Variants in PRDM5 observed in about 807,000 individuals in gnomAD.
The protein encoded by PRDM5 is PR/SET domain 5.
In PRDM5, 56 loss-of-function variants were observed where a neutral mutation model predicts 81.2. That is an observed-to-expected ratio of 0.69 (90% CI 0.56 to 0.86). The LOEUF is 0.86. Among genes scored for constraint, PRDM5 ranks in the 40% least tolerant of loss-of-function variants. The pLI is 0.00. For synonymous variants in PRDM5, 267 were observed against 256.4 expected (o/e 1.04, Z -0.39); for missense variants, 697 against 770.1 (o/e 0.91, Z 1.12).
At chr4:120,904,078 T>A (rs566134728) in intron 2 of PRDM5, among the ~76,000 whole-genome samples, 1 of 150,046 alleles carries the variant, frequency 6.7e-6, no homozygotes, top group East Asian at 2.0e-4. Context: ...TAATCCCAGC[T>A]ACTTGGGAGG....
At chr4:120,792,432 A>C (rs1750712414) in intron 10 of PRDM5, among the ~76,000 whole-genome samples, 1 of 152,226 alleles carries the variant, frequency 6.6e-6, no homozygotes, top group South Asian at 2.1e-4. Flanking sequence ...CTACTAAAAC[A>C]GCAAGAACTA....
At chr4:120,723,380 G>A (rs1044455027) in intron 14 of PRDM5, among the ~76,000 whole-genome samples, 9 of 152,184 alleles carry the variant, frequency 5.9e-5, no homozygotes, top group African/African-American at 2.2e-4. Flanking sequence ...TGAAAGAAAA[G>A]GAATGCTGGT....
At chr4:120,789,762 A>G (rs2149260963) in intron 10 of PRDM5, among the ~76,000 whole-genome samples, 1 of 152,304 alleles carries the variant, frequency 6.6e-6, no homozygotes, top group South Asian at 2.1e-4. Flanking sequence ...TCACAAAATA[A>G]ATTGAAACTG....
intron 2 of PRDM5, among the ~76,000 whole-genome samples, chr4:120,873,432 C>T (rs1762040896): frequency 6.6e-6 from 1 of 152,086 alleles, no homozygotes; most frequent in South Asian, 2.1e-4. Context: ...CAGGAAGAGC[C>T]AAGACAGAGC....
chr4:120,753,892 T>C (rs1392753196), intron 14 of PRDM5, among the ~76,000 whole-genome samples: 4 of 152,164 alleles, frequency 2.6e-5, no homozygotes, highest in Non-Finnish European at 5.9e-5. Flanking sequence ...AATCGAATAG[T>C]GAGCTATGAA....
intron 14 of PRDM5, chr4:120,731,779 T>C (rs1422687730): frequency 1.3e-5 from 2 of 152,104 alleles, no homozygotes; most frequent in Admixed American, 6.5e-5. Flanking sequence ...CCATCTTGAG[T>C]CACACTGGAA....
chr4:120,781,556 A>G (rs1749038555), intron 11 of PRDM5, among the ~76,000 whole-genome samples: 1 of 152,196 alleles, frequency 6.6e-6, no homozygotes, highest in African/African-American at 2.4e-5. Flanking sequence ...AGAATTCTCA[A>G]AGTTACCATG....
intron 8 of PRDM5, among the ~76,000 whole-genome samples, chr4:120,808,824 A>G (rs1753394462): frequency 6.6e-6 from 1 of 152,180 alleles, no homozygotes; most frequent in African/African-American, 2.4e-5. Flanking sequence ...TAAGTCCCTC[A>G]CTGCCCAGGG....
intron 13 of PRDM5, among the ~76,000 whole-genome samples, chr4:120,757,035 G>C (rs931929565): frequency 2.6e-5 from 4 of 152,048 alleles, no homozygotes; most frequent in African/African-American, 9.7e-5. Flanking sequence ...CAGTTATCAG[G>C]TAAATAATTA....
intron 14 of PRDM5, among the ~76,000 whole-genome samples, chr4:120,712,914 A>G (rs1274621820): frequency 2.6e-5 from 4 of 152,238 alleles, no homozygotes; most frequent in Non-Finnish European, 5.9e-5. Context: ...GTTCCTCTGA[A>G]AAAATCTTGT....
intron 3 of PRDM5, among the ~76,000 whole-genome samples, chr4:120,826,896 C>T (rs1055639944): frequency 2.0e-5 from 3 of 152,102 alleles, no homozygotes; most frequent in African/African-American, 7.2e-5. Context: ...AAAGATGCTG[C>T]TGTATTTAAT....
At chr4:120,894,153 C>T (rs536340616) in intron 2 of PRDM5, among the ~76,000 whole-genome samples, 45 of 152,098 alleles carry the variant, frequency 3.0e-4, no homozygotes, top group African/African-American at 1.1e-3. Context: ...CTATTTTTCC[C>T]TTGTATTAAC....
At chr4:120,838,039 C>T (rs1407597051) in intron 3 of PRDM5, 2 of 152,186 alleles carry the variant, frequency 1.3e-5, no homozygotes, top group African/African-American at 4.8e-5. Flanking sequence ...TATAATAAGA[C>T]AGTATGTATA....
chr4:120,733,472 CT>C (rs1339125586), intron 14 of PRDM5, among the ~76,000 whole-genome samples: 1 of 152,160 alleles, frequency 6.6e-6, no homozygotes, highest in Non-Finnish European at 1.5e-5. Flanking sequence ...GTTCCTTTTC[CT>C]AGAAAACTCA....
rs752972424 is a variant in PRDM5 at position 120,839,269 on chromosome 4, C to A, written c.300+14149G>T. ...CTCGCCATTCGGCGGGTCCCAAATT[C>A]TTGTCCTGTGACCAGGAAAAATGAG... On this transcript the variant is annotated intron_variant, in intron 3 of 15. Transcript: ENST00000264808. The A allele has an allele frequency of 4.3e-6, 3 of 703,090 alleles. No individual in the cohort carries two copies. In the South Asian group the frequency reaches 4.4e-5, roughly 10 times the overall value. The allele number at this position is 703,090 out of a possible 1,614,324, so 43.6% of individuals were successfully genotyped here. A position where few individuals can be genotyped will look rare whatever the true frequency, so the allele number is the denominator to read the frequency against.
rs141296974 is a variant in PRDM5 at position 120,878,787 on chromosome 4, GT to G, written c.178-25248del. On this transcript the variant is annotated intron_variant, in intron 2 of 15. Coordinates refer to ENST00000264808, the MANE Select transcript of PRDM5 (RefSeq NM_018699.4). ...TGACAAATAAGTATAGGAAAAACAT[GT>G]TGAATATCATATGTCATTAGGGAAT... 8.2e-3 allele frequency among the ~76,000 whole-genome samples: 1,243 copies of G among 152,256 alleles called. 18 individuals carry two copies. The highest frequency in any genetic ancestry group is 0.028 in the African/African-American group (1,179 of 41,554).
intron 3 of PRDM5, among the ~76,000 whole-genome samples, chr4:120,840,610 T>A (rs1485603287): frequency 6.6e-6 from 1 of 151,926 alleles, no homozygotes; most frequent in African/African-American, 2.4e-5. Flanking sequence ...CTTCCCCCCA[T>A]GGGCAAGCAC....
At chr4:120,735,602 C>T (rs1246909999) in intron 14 of PRDM5, among the ~76,000 whole-genome samples, 1 of 152,066 alleles carries the variant, frequency 6.6e-6, no homozygotes, top group Non-Finnish European at 1.5e-5. Context: ...ATGGGAGATA[C>T]AGTCTTTTGA....
rs141782049 is a variant in PRDM5, at chr4:120,872,709, G to A, written c.178-19169C>T. Among the ~76,000 whole-genome samples the A allele has an allele frequency of 7.2e-5, 11 of 152,218 alleles. No homozygotes were observed. In the East Asian group the frequency reaches 1.7e-3, roughly 24 times the overall value. On this transcript the variant is annotated intron_variant, in intron 2 of 15. Transcript: ENST00000264808. The stretch of plus-strand genomic sequence containing the variant: ...TTTAAGGCTGCAGTGAACTATGATC[G>A]CACCACTGTACTAAAGCCTGGGTGA...
Sources: allele counts gnomAD v4.1 joint callset (sites outside exome capture counted in the v4.1 genomes callset), GRCh38; gene constraint gnomAD v4.1.1; transcripts MANE v1.5; gene names NCBI Gene and HGNC (gene_info 2026-07-23, HGNC 2026-07-21).